The following HHAT variants were observed in gnomAD, a reference collection of about 807,000 sequenced individuals.
HHAT encodes protein-cysteine N-palmitoyltransferase HHAT.
HHAT carries 47 observed loss-of-function variants against 70.8 expected under a neutral mutation model. The ratio of observed to expected loss-of-function variants is 0.66; its 90% CI spans 0.53 to 0.85. HHAT has a LOEUF of 0.85. Ranked by LOEUF, HHAT falls within the 40% of genes least tolerant of loss-of-function variation. The probability of loss-of-function intolerance (pLI) is 0.00; values close to 1 mark genes in which losing one functional copy is unlikely to be tolerated. For synonymous variants in HHAT, 228 were observed against 247.6 expected (o/e 0.92, Z 0.74); for missense variants, 609 against 604.8 (o/e 1.01, Z -0.07).
chr1:210,518,021 C>G (rs1271597128), intron 9 of HHAT, among the ~76,000 whole-genome samples: 2 of 152,078 alleles, frequency 1.3e-5, no homozygotes, highest in East Asian at 1.9e-4. Flanking sequence ...TTTGATGTAT[C>G]TATGTTGTAT....
At chr1:210,352,001 C>T (rs1039805762) in intron 2 of HHAT, among the ~76,000 whole-genome samples, 1 of 152,120 alleles carries the variant, frequency 6.6e-6, no homozygotes, top group African/African-American at 2.4e-5. Flanking sequence ...TACTTCTTTA[C>T]CCACATGAGG....
At position 210,573,696 on chromosome 1, in the gene HHAT, C is replaced by T. The variant is rs142284032; in HGVS notation, c.1044-14202C>T. ...ATTGGCATGTGTCCCCCCATCAGTC[C>T]CCGCCAGCTGTCCCTTTTGCTCAGG... On this transcript the variant is annotated intron_variant, in intron 9 of 11. Transcript: ENST00000261458. Among the ~76,000 whole-genome samples, 471 of 152,238 alleles carry T rather than the reference C, an allele frequency of 3.1e-3. 2 individuals are homozygous for T. The highest frequency in any genetic ancestry group is 7.8e-3 in the Admixed American group (119 of 15,298).
At chr1:210,558,527 G>A (rs1042977689) in intron 9 of HHAT, among the ~76,000 whole-genome samples, 1 of 152,192 alleles carries the variant, frequency 6.6e-6, no homozygotes, top group Non-Finnish European at 1.5e-5. Context: ...ATTGTAGAGG[G>A]AGCATAAGGG....
chr1:210,362,110 C>T (rs1159966920), intron 2 of HHAT, among the ~76,000 whole-genome samples: 2 of 152,126 alleles, frequency 1.3e-5, no homozygotes, highest in Non-Finnish European at 2.9e-5. Flanking sequence ...TGTTTCAAAT[C>T]AACTGTATTG....
At chr1:210,615,528 T>G (rs556146107) in intron 10 of HHAT, among the ~76,000 whole-genome samples, 1 of 152,336 alleles carries the variant, frequency 6.6e-6, no homozygotes, top group East Asian at 1.9e-4. Context: ...TTTTTAGAAT[T>G]TTCAGTTTTT....
intron 1 of HHAT, among the ~76,000 whole-genome samples, chr1:210,331,441 T>A (rs1003295800): frequency 6.6e-6 from 1 of 152,188 alleles, no homozygotes; most frequent in Non-Finnish European, 1.5e-5. Flanking sequence ...TAATCCAGAA[T>A]GTATGGATAT....
At position 210,377,026 on chromosome 1, in the gene HHAT, G is replaced by A. The variant is rs573840346; in HGVS notation, c.160-10442G>A. Among the ~76,000 whole-genome samples the A allele has an allele frequency of 3.9e-5, 6 of 152,336 alleles. No homozygotes were observed. In the South Asian group the frequency reaches 1.2e-3, roughly 32 times the overall value. Reference sequence around the variant, plus strand: ...CTGCAGAGATGTTCTGTACAAATCAGCTTTCTTGCATATGTGAAGACTTCC... The same window carrying A: ...CTGCAGAGATGTTCTGTACAAATCAACTTTCTTGCATATGTGAAGACTTCC... On this transcript the variant is annotated intron_variant, in intron 3 of 11. Coordinates refer to ENST00000261458, the MANE Select transcript of HHAT (RefSeq NM_018194.6).
At chr1:210,466,883 A>T (rs984293700) in intron 8 of HHAT, among the ~76,000 whole-genome samples, 2 of 152,180 alleles carry the variant, frequency 1.3e-5, no homozygotes, top group East Asian at 3.9e-4. Flanking sequence ...CATATAGTTG[A>T]GACCCCAGGC....
chr1:210,662,327 A>G lies in HHAT; in HGVS notation c.1391-11961A>G, dbSNP rs373077617. On this transcript the variant is annotated intron_variant, in intron 11 of 11. Coordinates refer to ENST00000261458, the MANE Select transcript of HHAT (RefSeq NM_018194.6). ...ATGCTAAGCACACAGTAGGTGCTTC[A>G]TAAATATGGATGTGGGTGAGCGGTT... Among the ~76,000 whole-genome samples, 12 of 150,574 alleles carry G rather than the reference A, an allele frequency of 8.0e-5. No individual in the cohort carries two copies. The East Asian group carries it at 8.0e-4, about 10-fold the overall frequency.
intron 9 of HHAT, among the ~76,000 whole-genome samples, chr1:210,529,549 T>C (rs895868795): frequency 2.0e-5 from 3 of 152,122 alleles, no homozygotes; most frequent in African/African-American, 7.2e-5. Context: ...CTCCTCAAAG[T>C]ACAAGTCAAA....
intron 11 of HHAT, among the ~76,000 whole-genome samples, chr1:210,655,232 C>G (rs939263384): frequency 2.6e-5 from 4 of 152,236 alleles, no homozygotes; most frequent in African/African-American, 4.8e-5. Context: ...CTCCCTGCCA[C>G]TCCAGCTGCC....
intron 10 of HHAT, among the ~76,000 whole-genome samples, chr1:210,601,671 T>C (rs911397027): frequency 6.6e-6 from 1 of 152,182 alleles, no homozygotes; most frequent in East Asian, 1.9e-4. Flanking sequence ...CTGCCATGAA[T>C]GAAGGTGTCT....
At chr1:210,586,369 G>A (rs1244213699) in intron 9 of HHAT, among the ~76,000 whole-genome samples, 1 of 152,158 alleles carries the variant, frequency 6.6e-6, no homozygotes. Flanking sequence ...GAGTTCAGGA[G>A]TTTGAGGTTG....
intron 11 of HHAT, among the ~76,000 whole-genome samples, chr1:210,637,046 G>A (rs536246191): frequency 2.2e-4 from 34 of 152,192 alleles, no homozygotes; most frequent in African/African-American, 6.3e-4. Flanking sequence ...CACCTACCTC[G>A]TAGGGGGTTG....
intron 11 of HHAT, among the ~76,000 whole-genome samples, chr1:210,624,709 G>A (rs888782925): frequency 3.3e-5 from 5 of 152,114 alleles, no homozygotes; most frequent in African/African-American, 1.2e-4. Flanking sequence ...GTTTATTTAT[G>A]GTCACCATTT....
At chr1:210,375,609 G>T (rs899414710) in intron 3 of HHAT, among the ~76,000 whole-genome samples, 2 of 151,542 alleles carry the variant, frequency 1.3e-5, no homozygotes, top group South Asian at 4.2e-4. Flanking sequence ...TTTGATTGGG[G>T]TTTATTCAGC....
intron 11 of HHAT, among the ~76,000 whole-genome samples, chr1:210,673,957 C>T (rs1484070621): frequency 2.1e-5 from 3 of 141,502 alleles, no homozygotes; most frequent in Non-Finnish European, 3.0e-5. Flanking sequence ...TGCCCTATTT[C>T]TTTTTTTTTT....
chr1:210,542,872 A>G (rs940147935), intron 9 of HHAT, among the ~76,000 whole-genome samples: 7 of 152,288 alleles, frequency 4.6e-5, no homozygotes, highest in African/African-American at 1.7e-4. Flanking sequence ...TTATACATAT[A>G]TGGATATATT....
intron 11 of HHAT, among the ~76,000 whole-genome samples, chr1:210,628,322 TA>T (rs950476437): frequency 2.0e-5 from 3 of 148,970 alleles, no homozygotes; most frequent in Admixed American, 6.7e-5. Context: ...GGACTTTGTT[TA>T]AAAAAAAGAA....
Sources: gnomAD v4.1 joint callset for allele counts (sites outside exome capture counted in the v4.1 genomes callset) on GRCh38, gnomAD v4.1.1 for gene constraint, MANE v1.5 for transcripts, NCBI Gene and HGNC (gene_info 2026-07-23, HGNC 2026-07-21) for gene names.